The following ZRANB3 variants were observed in gnomAD, a reference collection of about 807,000 sequenced individuals.
The protein encoded by ZRANB3 is DNA annealing helicase and endonuclease ZRANB3.
A neutral mutation model predicts 133.8 loss-of-function variants in ZRANB3; 125 were observed. That is an observed-to-expected ratio of 0.93 (90% CI 0.81 to 1.08). The LOEUF (loss-of-function observed/expected upper bound fraction) is 1.08, where lower values mean the gene tolerates loss of function less well. ZRANB3 is among the 50% of genes least tolerant of loss of function. ZRANB3 has a pLI of 0.00. For synonymous variants in ZRANB3, 387 were observed against 432.7 expected (o/e 0.89, Z 1.31); for missense variants, 1,229 against 1,275.5 (o/e 0.96, Z 0.56).
intron 8 of ZRANB3, among the ~76,000 whole-genome samples, chr2:135,302,495 A>T (rs1682478669): frequency 6.7e-6 from 1 of 149,150 alleles, no homozygotes; most frequent in African/African-American, 2.5e-5. Context: ...ATTCCTATTT[A>T]TTGTCAACGC....
chr2:135,448,160 C>T (rs1471055269), intron 2 of ZRANB3, among the ~76,000 whole-genome samples: 1 of 152,074 alleles, frequency 6.6e-6, no homozygotes, highest in East Asian at 1.9e-4. Flanking sequence ...CGGGCTTAAG[C>T]AAGATTAAAA....
chr2:135,372,284 G>A (rs562027668), intron 3 of ZRANB3, among the ~76,000 whole-genome samples: 7 of 152,086 alleles, frequency 4.6e-5, no homozygotes, highest in South Asian at 2.1e-4. Flanking sequence ...TACTGAATCC[G>A]TTGGCGCCTT....
chr2:135,362,504 G>A (rs1004620615), intron 3 of ZRANB3, among the ~76,000 whole-genome samples: 2 of 152,206 alleles, frequency 1.3e-5, no homozygotes, highest in Admixed American at 1.3e-4. Flanking sequence ...TATCTAAAGG[G>A]AGGGCACTGA....
intron 12 of ZRANB3, among the ~76,000 whole-genome samples, chr2:135,234,991 A>G (rs1486600500): frequency 6.6e-6 from 1 of 152,232 alleles, no homozygotes; most frequent in East Asian, 1.9e-4. Flanking sequence ...AAATTCAATG[A>G]ATCCAGGAGC....
At chr2:135,340,960 ATATCTTT>A (rs1558928980) in intron 6 of ZRANB3, among the ~76,000 whole-genome samples, 1 of 148,378 alleles carries the variant, frequency 6.7e-6, no homozygotes, top group Non-Finnish European at 1.5e-5. Context: ...CTTGAGTCTT[ATATCTTT>A]TATCTTCATT....
chr2:135,378,538 A>C (rs989491563), intron 3 of ZRANB3, among the ~76,000 whole-genome samples: 2 of 152,146 alleles, frequency 1.3e-5, no homozygotes, highest in Middle Eastern at 6.8e-3. Context: ...CTCCATTCCT[A>C]AAGTATGGGC....
At chr2:135,204,024 T>C (rs1212862866) in intron 19 of ZRANB3, among the ~76,000 whole-genome samples, 2 of 152,224 alleles carry the variant, frequency 1.3e-5, no homozygotes, top group Non-Finnish European at 2.9e-5. Context: ...CTTGCTTTTA[T>C]TTCCTTCAAC....
At chr2:135,200,941 A>C (rs768452154) in intron 20 of ZRANB3, among the ~76,000 whole-genome samples, 1 of 152,040 alleles carries the variant, frequency 6.6e-6, no homozygotes, top group African/African-American at 2.4e-5. Flanking sequence ...TTTTTAGTGG[A>C]GACGGGGTTT....
At chr2:135,263,845 G>A (rs944050902) in intron 12 of ZRANB3, among the ~76,000 whole-genome samples, 13 of 151,368 alleles carry the variant, frequency 8.6e-5, no homozygotes, top group African/African-American at 1.2e-4. Context: ...GCGTGATCTC[G>A]GCTCACCAAA....
chr2:135,277,933 C>CA (rs367859811), intron 8 of ZRANB3, among the ~76,000 whole-genome samples: 6,689 of 115,594 alleles, frequency 0.058, 181 homozygotes, highest in Middle Eastern at 0.19. Context: ...AAAAAAAAAA[C>CA]AAAAAAAAAA....
Position 135,525,196 on chromosome 2 carries a change from C to A in ZRANB3, c.-8+5931G>T, listed in dbSNP as rs557941042. 2.0e-5 allele frequency among the ~76,000 whole-genome samples: 3 copies of A among 152,122 alleles called. No individual in the cohort carries two copies. The South Asian group carries it at 6.2e-4, about 32-fold the overall frequency. On this transcript the variant is annotated intron_variant, in intron 1 of 20. Transcript: ENST00000264159. The stretch of plus-strand genomic sequence containing the variant: ...AAGAGACAATGACAGCAACAGGCTA[C>A]ACAAAAGAGACTAAACACCAAAGGA...
intron 5 of ZRANB3, among the ~76,000 whole-genome samples, chr2:135,347,624 T>C (rs1685001607): frequency 6.6e-6 from 1 of 152,202 alleles, no homozygotes; most frequent in African/African-American, 2.4e-5. Flanking sequence ...ATAAAATCGC[T>C]GGGTCATACA....
chr2:135,403,844 C>A (rs188282039), intron 2 of ZRANB3, among the ~76,000 whole-genome samples: 1 of 152,202 alleles, frequency 6.6e-6, no homozygotes, highest in African/African-American at 2.4e-5. Context: ...GCAAACAGGG[C>A]CTGGAGTGGA....
chr2:135,494,313 AAAAAAAAAAAG>A (rs869111752), intron 2 of ZRANB3, among the ~76,000 whole-genome samples: 1 of 151,366 alleles, frequency 6.6e-6, no homozygotes, highest in Non-Finnish European at 1.5e-5. Flanking sequence ...GTCTCAAAAA[AAAAAAAAAAAG>A]AAAAGAAAAA....
chr2:135,448,014 T>C (rs1207465070), intron 2 of ZRANB3, among the ~76,000 whole-genome samples: 1 of 152,194 alleles, frequency 6.6e-6, no homozygotes, highest in Non-Finnish European at 1.5e-5. Context: ...AGAGTTGCCA[T>C]AGTTTTGCCT....
intron 6 of ZRANB3, among the ~76,000 whole-genome samples, chr2:135,332,392 T>C (rs1684189494): frequency 6.6e-6 from 1 of 152,144 alleles, no homozygotes; most frequent in Non-Finnish European, 1.5e-5. Flanking sequence ...CAAATTCCTG[T>C]AGGCTTCATA....
chr2:135,263,213 G>A (rs1680051291), intron 12 of ZRANB3, among the ~76,000 whole-genome samples: 1 of 152,070 alleles, frequency 6.6e-6, no homozygotes, highest in African/African-American at 2.4e-5. Flanking sequence ...AATATACTGT[G>A]TGTGCTATGT....
rs143879430 is a variant in ZRANB3 at position 135,214,151 on chromosome 2, G to A, written c.2495+3314C>T. 9.8e-5 allele frequency among the ~76,000 whole-genome samples: 15 copies of A among 152,290 alleles called. No homozygotes were observed. In the East Asian group the frequency reaches 2.9e-3, roughly 29 times the overall value. ...AATCCAGAGCATTACTAGAAAACTA[G>A]TAATAGCCAACTTGGACTTCTTACT... On this transcript the variant is annotated intron_variant, in intron 17 of 20. Transcript: ENST00000264159.
Position 135,301,503 on chromosome 2 carries a change from G to A in ZRANB3, c.966+11986C>T, listed in dbSNP as rs958032424. Among the ~76,000 whole-genome samples the A allele has an allele frequency of 3.9e-5, 6 of 151,988 alleles. No homozygotes were observed. In the East Asian group the frequency reaches 1.2e-3, roughly 29 times the overall value. ...ACCTAGCTATGTTTAATTTTTTGTA[G>A]AGGTGTGGTCTCACTATGTTGCCCA... On this transcript the variant is annotated intron_variant, in intron 8 of 20. Transcript: ENST00000264159.
Sources: allele counts gnomAD v4.1 joint callset (sites outside exome capture counted in the v4.1 genomes callset), GRCh38; gene constraint gnomAD v4.1.1; transcripts MANE v1.5; gene names NCBI Gene and HGNC (gene_info 2026-07-23, HGNC 2026-07-21).